SENP5: variants seen among roughly 807,000 people sequenced by gnomAD.
The protein encoded by SENP5 is SUMO specific peptidase 5, also known as sentrin-specific protease 5.
Under a neutral mutation model 74.2 loss-of-function variants are expected in SENP5, and 21 were observed. That is an observed-to-expected ratio of 0.28 (90% CI 0.20 to 0.41). The LOEUF (loss-of-function observed/expected upper bound fraction) is 0.41. Ranked by LOEUF, SENP5 falls within the 10% of genes least tolerant of loss-of-function variation. The pLI, the probability that SENP5 is intolerant of heterozygous loss-of-function variation, is 1.00. For synonymous variants in SENP5, 311 were observed against 312.7 expected, an observed-to-expected ratio of 0.99 and a Z score of 0.06; for missense variants, 717 against 889.1, an observed-to-expected ratio of 0.81 and a Z score of 2.46.
chr3:196,908,037 A>G (rs1167214077), intron 6 of SENP5, among the ~76,000 whole-genome samples: 2 of 152,186 alleles, frequency 1.3e-5, no homozygotes, highest in African/African-American at 2.4e-5. Flanking sequence ...TGGGAGGCCT[A>G]AAATTACTGT....
chr3:196,899,356 A>T (rs546145536), intron 2 of SENP5, among the ~76,000 whole-genome samples: 1 of 152,002 alleles, frequency 6.6e-6, no homozygotes, highest in Non-Finnish European at 1.5e-5. Flanking sequence ...AGAGAAGGTT[A>T]AGCTGTGGGA....
chr3:196,898,935 C>T (rs909159516), intron 2 of SENP5, among the ~76,000 whole-genome samples: 4 of 151,788 alleles, frequency 2.6e-5, no homozygotes, highest in Admixed American at 6.6e-5. Flanking sequence ...AAAAATTAGC[C>T]GGGCGTGGTG....
At chr3:196,875,962 G>C (rs1044683193) in intron 1 of SENP5, among the ~76,000 whole-genome samples, 2 of 152,068 alleles carry the variant, frequency 1.3e-5, no homozygotes, top group African/African-American at 4.8e-5. Context: ...GGGCTCAAGC[G>C]ATACTCCACC....
At chr3:196,917,881 G>GGT (rs1163991038) in intron 6 of SENP5, among the ~76,000 whole-genome samples, 1 of 152,128 alleles carries the variant, frequency 6.6e-6, no homozygotes. Context: ...AAAACTCACT[G>GGT]GTATCAGTAA....
chr3:196,885,822 C>T lies in SENP5; in HGVS notation c.641C>T (p.Pro214Leu). ...CACAGGAATGGGGGACCCTTGATTCCAAAAAAGTTCCAACTTAACCAACAT... is the reference window on the plus strand; with the variant it reads ...CACAGGAATGGGGGACCCTTGATTCTAAAAAAGTTCCAACTTAACCAACAT... ...EHHRNGGPLIPKKFQLNQHRR... is the reference protein window; with the variant it reads ...EHHRNGGPLILKKFQLNQHRR... The change falls in exon 2 of 10, where the codon CCA (proline) becomes CTA (leucine). Residue 214 changes from proline (P) to leucine (L), a missense_variant. Coordinates refer to ENST00000323460, the MANE Select transcript of SENP5 (RefSeq NM_152699.5). The T allele has an allele frequency of 1.2e-6, 2 of 1,613,902 alleles. No individual in the cohort carries two copies. The highest frequency in any genetic ancestry group is 2.2e-5 in the South Asian group (2 of 91,054).
At chr3:196,915,069 C>T (rs1003870234) in intron 6 of SENP5, among the ~76,000 whole-genome samples, 2 of 152,224 alleles carry the variant, frequency 1.3e-5, no homozygotes, top group Admixed American at 6.5e-5. Context: ...GAGAATCTTC[C>T]GCCCCAGCGG....
chr3:196,919,407 A>T (rs1438329494), intron 6 of SENP5, among the ~76,000 whole-genome samples: 2 of 152,190 alleles, frequency 1.3e-5, no homozygotes, highest in East Asian at 3.9e-4. Context: ...CTTGAACCCT[A>T]GCAGCGGAGG....
chr3:196,902,673 A>T (rs1419823336), intron 5 of SENP5, among the ~76,000 whole-genome samples: 1 of 152,224 alleles, frequency 6.6e-6, no homozygotes, highest in Non-Finnish European at 1.5e-5. Flanking sequence ...ACCTCAAGTT[A>T]CTGAATGAGC....
At chr3:196,894,915 A>G (rs1714376357) in intron 2 of SENP5, among the ~76,000 whole-genome samples, 1 of 152,222 alleles carries the variant, frequency 6.6e-6, no homozygotes, top group Admixed American at 6.5e-5. Context: ...TCATTGCAAA[A>G]GACTTCCTGT....
chr3:196,897,205 G>A (rs1198869996), intron 2 of SENP5, among the ~76,000 whole-genome samples: 3 of 152,124 alleles, frequency 2.0e-5, no homozygotes, highest in Non-Finnish European at 2.9e-5. Flanking sequence ...ATTTTACAAC[G>A]AAAAATAATT....
chr3:196,900,164 A>G, intron 4 of SENP5, 102 bp downstream of exon 4: 1 of 1,422,732 alleles, frequency 7.0e-7, no homozygotes, highest in East Asian at 2.3e-5. Flanking sequence ...TGGAATAAGG[A>G]TTCTTCATTC....
chr3:196,875,072 A>T (rs1713396601), intron 1 of SENP5, among the ~76,000 whole-genome samples: 1 of 152,140 alleles, frequency 6.6e-6, no homozygotes, highest in African/African-American at 2.4e-5. Flanking sequence ...ATCCACTTGG[A>T]CTTCTAATGG....
rs1384884777 is a variant in SENP5 at position 196,931,810 on chromosome 3, C to T, written c.*887C>T. On this transcript the variant is annotated 3_prime_UTR_variant, in exon 10 of 10. Transcript: ENST00000323460. The stretch of plus-strand genomic sequence containing the variant: ...AGTTGTCATTTCCCTGTGTTGCCTC[C>T]CAATTGGAAGAAGTTAAGGTTTACC... 2.8e-6 allele frequency: 1 copy of T among 354,742 alleles called. No individual in the cohort carries two copies. The highest frequency in any genetic ancestry group is 2.2e-5 in the African/African-American group (1 of 45,348). 22.0% of individuals were successfully genotyped at this position (354,742 alleles called of 1,614,324 possible).
chr3:196,917,065 CAG>C (rs1328765126), intron 6 of SENP5, among the ~76,000 whole-genome samples: 2 of 151,856 alleles, frequency 1.3e-5, no homozygotes, highest in Non-Finnish European at 2.9e-5. Flanking sequence ...ACCTGGGAGA[CAG>C]AAATTGCAGT....
intron 2 of SENP5, among the ~76,000 whole-genome samples, chr3:196,890,544 C>T (rs953104808): frequency 4.1e-5 from 6 of 144,984 alleles, no homozygotes; most frequent in Non-Finnish European, 6.3e-5. Flanking sequence ...ATGACAGTAG[C>T]GGGTTGCTGC....
Position 196,885,282 on chromosome 3 carries a change from A to G in SENP5, c.101A>G (p.His34Arg), listed in dbSNP as rs1713906716. The G allele has an allele frequency of 6.2e-7, 1 of 1,614,174 alleles. No individual in the cohort carries two copies. Among genetic ancestry groups the G allele is most frequent in the Non-Finnish European group, 8.5e-7 (1 of 1,180,026 alleles). The change falls in exon 2 of 10, where the codon CAC (histidine) becomes CGC (arginine). Residue 34 changes from histidine (H) to arginine (R), a missense_variant. Around this residue, in one of 4 missense-constraint regions of SENP5, gnomAD observed 567 missense variants for 577.4 expected, o/e 0.98. Transcript: ENST00000323460. ...GGAGGCTTTAAGAAGTTTTATTTTCACCAACACTTGTGCATTCTGAAAGCT... is the reference window on the plus strand; with the variant it reads ...GGAGGCTTTAAGAAGTTTTATTTTCGCCAACACTTGTGCATTCTGAAAGCT... ...GFGGFKKFYF[H>R]QHLCILKAKL...
intron 1 of SENP5, among the ~76,000 whole-genome samples, chr3:196,869,759 C>CA (rs58745670): frequency 0.19 from 7,224 of 37,822 alleles, 1,298 homozygotes; most frequent in Non-Finnish European, 0.22. Context: ...AACTCCGTCT[C>CA]AAAAAAAAAA....
chr3:196,926,721 C>T (rs1374659361), intron 7 of SENP5, among the ~76,000 whole-genome samples: 2 of 150,704 alleles, frequency 1.3e-5, no homozygotes, highest in African/African-American at 4.9e-5. Flanking sequence ...TCATGGCAAC[C>T]TCCGCCTCCT....
intron 1 of SENP5, among the ~76,000 whole-genome samples, chr3:196,883,359 G>A (rs919911174): frequency 5.3e-5 from 8 of 152,014 alleles, no homozygotes; most frequent in South Asian, 2.1e-4. Flanking sequence ...GGGACTAGTC[G>A]CCTTCTTGTG....
Sources: allele counts gnomAD v4.1 joint callset (sites outside exome capture counted in the v4.1 genomes callset), GRCh38; gene constraint gnomAD v4.1.1; regional missense constraint gnomAD v4.1.1; transcripts MANE v1.5; gene names NCBI Gene and HGNC (gene_info 2026-07-23, HGNC 2026-07-21).